The following RBFOX1 variants were observed in gnomAD, a reference collection of about 807,000 sequenced individuals.
RBFOX1 encodes the protein RNA binding fox-1 homolog 1.
Under a neutral mutation model 57.7 loss-of-function variants are expected in RBFOX1, and 8 were observed. That is an observed-to-expected ratio of 0.14 (90% CI 0.08 to 0.25). The LOEUF is 0.25. RBFOX1 is among the 10% of genes least tolerant of loss of function. The pLI is 1.00. For missense variants in RBFOX1, 611 were observed against 548.5 expected (o/e 1.11, Z -1.14); for synonymous variants, 326 against 222.4 (o/e 1.47, Z -4.15).
chr16:7,576,998 C>T (rs905167971), intron 5 of RBFOX1, among the ~76,000 whole-genome samples: 16 of 152,190 alleles, frequency 1.1e-4, no homozygotes, highest in Admixed American at 5.2e-4. Context: ...GTGTCATGGA[C>T]GTGGCACCAA....
chr16:6,940,472 A>G lies in RBFOX1; in HGVS notation c.-15-111585A>G, dbSNP rs75758643. On this transcript the variant is annotated intron_variant, in intron 3 of 15. Coordinates refer to ENST00000550418, the MANE Select transcript of RBFOX1 (RefSeq NM_018723.4). ...AAAAACTGACGAGTGAGTGATGACA[A>G]TGATAATTTAGGTAAATATTGATGA... is the stretch of plus-strand genomic sequence containing the variant. Among the ~76,000 whole-genome samples, 938 of 152,348 alleles carry G rather than the reference A, an allele frequency of 6.2e-3. 15 individuals are homozygous for G. The highest frequency in any genetic ancestry group is 0.022 in the African/African-American group (899 of 41,586).
intron 1 of RBFOX1, among the ~76,000 whole-genome samples, chr16:6,155,122 T>C (rs973820928): frequency 4.6e-5 from 7 of 152,172 alleles, no homozygotes; most frequent in Admixed American, 4.6e-4. Context: ...ATACATTTTC[T>C]AGGTAGAATA....
chr16:5,408,792 G>C (rs2066931638), intron 1 of RBFOX1, among the ~76,000 whole-genome samples: 2 of 152,174 alleles, frequency 1.3e-5, no homozygotes, highest in East Asian at 1.9e-4. Context: ...GCAAAAGCAG[G>C]AGCAAGACAG....
At chr16:6,103,290 G>C (rs1485972564) in intron 1 of RBFOX1, among the ~76,000 whole-genome samples, 1 of 152,136 alleles carries the variant, frequency 6.6e-6, no homozygotes, top group Non-Finnish European at 1.5e-5. Context: ...TCATTCTGCA[G>C]TACTCATATG....
chr16:7,121,863 A>G (rs149753176), intron 4 of RBFOX1, among the ~76,000 whole-genome samples: 2,283 of 152,154 alleles, frequency 0.015, 61 homozygotes, highest in African/African-American at 0.051. Context: ...TAGAGACTCC[A>G]GAAATAGACC....
chr16:6,574,953 G>A (rs903972290), intron 2 of RBFOX1, among the ~76,000 whole-genome samples: 4 of 151,274 alleles, frequency 2.6e-5, no homozygotes, highest in African/African-American at 9.7e-5. Context: ...GAGGAGAATG[G>A]CGTGAACCTG....
intron 2 of RBFOX1, among the ~76,000 whole-genome samples, chr16:6,459,120 G>A (rs561328067): frequency 6.6e-6 from 1 of 152,300 alleles, no homozygotes; most frequent in East Asian, 1.9e-4. Context: ...TGGATCCCGA[G>A]GTCAGCAGAT....
intron 1 of RBFOX1, among the ~76,000 whole-genome samples, chr16:5,443,288 AT>A (rs762318258): frequency 6.6e-6 from 1 of 152,124 alleles, no homozygotes; most frequent in Non-Finnish European, 1.5e-5. Context: ...TGACTAGGAA[AT>A]CATCGGGCAG....
At chr16:7,123,238 T>A (rs933599674) in intron 4 of RBFOX1, among the ~76,000 whole-genome samples, 1 of 152,196 alleles carries the variant, frequency 6.6e-6, no homozygotes, top group African/African-American at 2.4e-5. Flanking sequence ...TATATGAGGA[T>A]AAAGTCTCTG....
chr16:5,447,091 T>G (rs1338479184), intron 1 of RBFOX1, among the ~76,000 whole-genome samples: 1 of 152,194 alleles, frequency 6.6e-6, no homozygotes, highest in Non-Finnish European at 1.5e-5. Context: ...GAGGTAATGC[T>G]GTGACTACCG....
chr16:6,708,986 T>A (rs924362492), intron 3 of RBFOX1, among the ~76,000 whole-genome samples: 199 of 152,120 alleles, frequency 1.3e-3, no homozygotes, highest in African/African-American at 4.7e-3. Context: ...TTTTCTTTTT[T>A]TTTTAATCAT....
chr16:7,119,215 C>T (rs1340253989), intron 4 of RBFOX1, among the ~76,000 whole-genome samples: 3 of 152,158 alleles, frequency 2.0e-5, no homozygotes, highest in African/African-American at 7.2e-5. Context: ...TGCTCTATTA[C>T]TGTAGGTACA....
At chr16:6,943,989 T>A (rs1390692258) in intron 3 of RBFOX1, among the ~76,000 whole-genome samples, 2 of 152,136 alleles carry the variant, frequency 1.3e-5, no homozygotes, top group African/African-American at 4.8e-5. Context: ...TCACGAACTG[T>A]TCATTGCTCA....
chr16:5,455,007 C>CTTTCTTTCTTTCTTTA (rs2068582040), intron 1 of RBFOX1, among the ~76,000 whole-genome samples: 1 of 109,328 alleles, frequency 9.1e-6, no homozygotes, highest in African/African-American at 3.2e-5. Flanking sequence ...TTCTTTCTTT[C>CTTTCTTTCTTTCTTTA]TTTCTTTCTT....
intron 10 of RBFOX1, among the ~76,000 whole-genome samples, chr16:7,622,309 A>C (rs910571078): frequency 6.6e-6 from 1 of 152,234 alleles, no homozygotes; most frequent in South Asian, 2.1e-4. Flanking sequence ...CTACAGGGTC[A>C]TTAAGAGTAA....
intron 5 of RBFOX1, chr16:7,519,732 C>T (rs112417221): frequency 1.4e-5 from 14 of 984,262 alleles, no homozygotes; most frequent in Middle Eastern, 5.2e-4. Context: ...TCTGCCTCTT[C>T]GTCCTGTCCC....
intron 4 of RBFOX1, among the ~76,000 whole-genome samples, chr16:7,433,063 G>C (rs1473468500): frequency 6.6e-6 from 1 of 152,116 alleles, no homozygotes; most frequent in Admixed American, 6.5e-5. Context: ...TGTTTTCCCA[G>C]GATTCTTTCT....
At chr16:6,821,836 G>C in intron 3 of RBFOX1, among the ~76,000 whole-genome samples, 1 of 152,148 alleles carries the variant, frequency 6.6e-6, no homozygotes, top group East Asian at 1.9e-4. Flanking sequence ...TGAACATGAA[G>C]GTGCAGGCAC....
At chr16:6,565,806 A>G (rs1386625432) in intron 2 of RBFOX1, among the ~76,000 whole-genome samples, 2 of 152,194 alleles carry the variant, frequency 1.3e-5, no homozygotes, top group Non-Finnish European at 2.9e-5. Flanking sequence ...TCACCTGATG[A>G]AAAAAAGAGC....
Sources: gnomAD v4.1 joint callset for allele counts (sites outside exome capture counted in the v4.1 genomes callset) on GRCh38, gnomAD v4.1.1 for gene constraint, MANE v1.5 for transcripts, NCBI Gene and HGNC (gene_info 2026-07-23, HGNC 2026-07-21) for gene names.